The following NEO1 variants were observed in gnomAD, a reference collection of about 807,000 sequenced individuals.
NEO1 encodes the protein neogenin.
In NEO1, 63 loss-of-function variants were observed where a neutral mutation model predicts 159.7. The ratio of observed to expected loss-of-function variants is 0.39; its 90% CI spans 0.32 to 0.49. NEO1 has a LOEUF of 0.49. Ranked by LOEUF, NEO1 falls within the 20% of genes least tolerant of loss-of-function variation. NEO1 has a pLI of 0.85. For missense variants in NEO1, 1,615 were observed against 1,831.0 expected (o/e 0.88, Z 2.15); for synonymous variants, 633 against 662.0 (o/e 0.96, Z 0.67).
At chr15:73,168,238 G>A (rs944601436) in intron 5 of NEO1, among the ~76,000 whole-genome samples, 1 of 152,044 alleles carries the variant, frequency 6.6e-6, no homozygotes, top group Admixed American at 6.5e-5. Context: ...TGCCCAGGCT[G>A]AAGTGCAGTG....
upstream of NEO1, among the ~76,000 whole-genome samples, chr15:73,052,144 C>A (rs1265331517): frequency 1.3e-5 from 2 of 150,132 alleles, no homozygotes; most frequent in Non-Finnish European, 3.0e-5. Flanking sequence ...GCGCCCCGCA[C>A]CCGTCAGCGG....
intron 8 of NEO1, among the ~76,000 whole-genome samples, chr15:73,242,447 C>T (rs563810499): frequency 4.5e-4 from 68 of 152,214 alleles, no homozygotes; most frequent in African/African-American, 1.6e-3. Flanking sequence ...GCGGGTGGAT[C>T]GCCTGAGGCC....
chr15:73,062,870 G>A (rs974349779), intron 1 of NEO1, among the ~76,000 whole-genome samples: 3 of 152,178 alleles, frequency 2.0e-5, no homozygotes, highest in Non-Finnish European at 2.9e-5. Flanking sequence ...GGGCTCAGTT[G>A]AAAAGTCTAG....
At chr15:73,144,062 GATTT>G (rs2151797750) in intron 5 of NEO1, among the ~76,000 whole-genome samples, 1 of 152,186 alleles carries the variant, frequency 6.6e-6, no homozygotes, top group South Asian at 2.1e-4. Context: ...GATTTGATTT[GATTT>G]GATGTTTGTG....
At chr15:73,259,955 A>C (rs2040543718) in intron 14 of NEO1, among the ~76,000 whole-genome samples, 1 of 152,164 alleles carries the variant, frequency 6.6e-6, no homozygotes. Context: ...AGAGATGGTA[A>C]CTATTGAAAG....
intron 5 of NEO1, among the ~76,000 whole-genome samples, chr15:73,161,083 A>G (rs1258609148): frequency 6.6e-6 from 1 of 152,188 alleles, no homozygotes; most frequent in Non-Finnish European, 1.5e-5. Flanking sequence ...GGAAACCAGG[A>G]TGAAGTCCAA....
intron 4 of NEO1, among the ~76,000 whole-genome samples, chr15:73,128,685 A>C (rs1445564065): frequency 6.6e-6 from 1 of 152,204 alleles, no homozygotes; most frequent in African/African-American, 2.4e-5. Flanking sequence ...AAATTATATC[A>C]GGAGTGTCAA....
Position 73,200,441 on chromosome 15 carries a change from AGAGAGG to A in NEO1, c.1291+22022_1291+22027del, listed in dbSNP as rs892702599. 5.4e-5 allele frequency among the ~76,000 whole-genome samples: 8 copies of A among 148,248 alleles called. No individual in the cohort carries two copies. The Admixed American group carries it at 5.4e-4, about 10-fold the overall frequency. On this transcript the variant is annotated intron_variant, in intron 7 of 28. Coordinates refer to ENST00000261908, the MANE Select transcript of NEO1 (RefSeq NM_002499.4). ...ACCAAAAATAAAAAGAAATTAAGAG[AGAGAGG>A]GAGAGGGGGAGGGGGAGAGGGAGAA...
At chr15:73,206,848 CGT>C (rs938536165) in intron 7 of NEO1, among the ~76,000 whole-genome samples, 46 of 135,884 alleles carry the variant, frequency 3.4e-4, no homozygotes, top group Non-Finnish European at 6.0e-4. Context: ...TGTGTGTGTG[CGT>C]GTGTGTGTGT....
chr15:73,100,127 C>T (rs2070316921), intron 1 of NEO1, among the ~76,000 whole-genome samples: 1 of 152,072 alleles, frequency 6.6e-6, no homozygotes. Context: ...ACTTCTCTTC[C>T]ATGCCATTTC....
At chr15:73,302,502 T>G in intron 28 of NEO1, 111 bp from the exon 29 acceptor site, 2 of 946,568 alleles carry the variant, frequency 2.1e-6, no homozygotes, top group Non-Finnish European at 3.2e-6. Context: ...AGTAGCCAGT[T>G]TTCTGGGGCC....
intron 23 of NEO1, among the ~76,000 whole-genome samples, chr15:73,286,749 T>C (rs2041963294): frequency 6.6e-6 from 1 of 152,226 alleles, no homozygotes; most frequent in Admixed American, 6.5e-5. Flanking sequence ...AACCTTAGCA[T>C]CATCCTGTAC....
At chr15:73,115,078 C>T (rs2071224065) in intron 1 of NEO1, among the ~76,000 whole-genome samples, 2 of 151,808 alleles carry the variant, frequency 1.3e-5, no homozygotes, top group Middle Eastern at 3.2e-3. Flanking sequence ...CGGAGTCTGG[C>T]TCTTGCCAGG....
intron 5 of NEO1, among the ~76,000 whole-genome samples, chr15:73,142,545 C>T (rs1443511699): frequency 6.6e-6 from 1 of 151,998 alleles, no homozygotes; most frequent in Non-Finnish European, 1.5e-5. Flanking sequence ...CTTCAGAGGT[C>T]CCCGCTGGCC....
chr15:73,185,776 A>G (rs1354439958), intron 7 of NEO1, among the ~76,000 whole-genome samples: 1 of 152,204 alleles, frequency 6.6e-6, no homozygotes, highest in Non-Finnish European at 1.5e-5. Context: ...ATACATCTAT[A>G]CAATGGAACG....
chr15:73,249,557 G>C, intron 10 of NEO1, 26 bp from the exon 11 acceptor site: 1 of 1,579,776 alleles, frequency 6.3e-7, no homozygotes, highest in East Asian at 2.2e-5. Flanking sequence ...GAGTGCATAT[G>C]TATAAAGTGT....
chr15:73,259,765 A>G (rs893425884), intron 14 of NEO1, among the ~76,000 whole-genome samples: 1 of 152,190 alleles, frequency 6.6e-6, no homozygotes, highest in South Asian at 2.1e-4. Flanking sequence ...CACCAATTGA[A>G]TCAACTGTGG....
intron 14 of NEO1, among the ~76,000 whole-genome samples, chr15:73,259,881 C>G (rs540989394): frequency 4.9e-4 from 75 of 152,224 alleles, no homozygotes; most frequent in Non-Finnish European, 7.8e-4. Context: ...ACAGGCTTCC[C>G]ACTACTCAGT....
chr15:73,134,637 G>A (rs1414325515), intron 4 of NEO1, among the ~76,000 whole-genome samples: 1 of 151,086 alleles, frequency 6.6e-6, no homozygotes, highest in Non-Finnish European at 1.5e-5. Context: ...TGCAACCTCC[G>A]CTTCCCGGGT....
Sources: gnomAD v4.1 joint callset for allele counts (sites outside exome capture counted in the v4.1 genomes callset) on GRCh38, gnomAD v4.1.1 for gene constraint, MANE v1.5 for transcripts, NCBI Gene and HGNC (gene_info 2026-07-23, HGNC 2026-07-21) for gene names.